The following SEL1L3 variants were observed in gnomAD, a reference collection of about 807,000 sequenced individuals.
SEL1L3 encodes the protein SEL1L family member 3.
SEL1L3 carries 76 observed loss-of-function variants against 142.8 expected under a neutral mutation model. The ratio of observed to expected loss-of-function variants is 0.53; its 90% CI spans 0.44 to 0.64. The LOEUF is 0.64. Among genes scored for constraint, SEL1L3 ranks in the 30% least tolerant of loss-of-function variants. The probability of loss-of-function intolerance (pLI) is 0.00; values close to 1 mark genes in which losing one functional copy is unlikely to be tolerated. For synonymous variants in SEL1L3, 504 were observed against 519.6 expected (o/e 0.97, Z 0.41); for missense variants, 1,262 against 1,381.7 (o/e 0.91, Z 1.37).
the SEL1L3 span, chr4:25,718,179 A>G: frequency 6.6e-6 from 1 of 152,212 alleles, no homozygotes; most frequent in Non-Finnish European, 1.5e-5. Context: ...GGAAGGTTTA[A>G]TACTGTTAAT....
chr4:25,763,270 T>A (rs1718504430), intron 20 of SEL1L3, among the ~76,000 whole-genome samples: 1 of 151,932 alleles, frequency 6.6e-6, no homozygotes, highest in African/African-American at 2.4e-5. Context: ...CCTTTAGCAG[T>A]AACTCCTTCT....
intron 9 of SEL1L3, among the ~76,000 whole-genome samples, chr4:25,810,906 C>G (rs2109239294): frequency 6.6e-6 from 1 of 152,366 alleles, no homozygotes. Flanking sequence ...CAAAGGCGTG[C>G]CCGCTCTGGG....
the SEL1L3 span, among the ~76,000 whole-genome samples, chr4:25,722,288 A>C: frequency 6.6e-6 from 1 of 152,168 alleles, no homozygotes; most frequent in African/African-American, 2.4e-5. Flanking sequence ...CTTGGTACGA[A>C]AGAGGACGTT....
the SEL1L3 span, among the ~76,000 whole-genome samples, chr4:25,739,103 G>A: frequency 0.13 from 19,919 of 152,184 alleles, 1,781 homozygotes; most frequent in African/African-American, 0.25. Context: ...CATCTACTAA[G>A]GAGGCTGAGG....
intron 23 of SEL1L3, 145 bp from the exon 24 acceptor site, chr4:25,748,709 C>T (rs527375576): frequency 9.7e-6 from 7 of 721,236 alleles, no homozygotes; most frequent in Non-Finnish European, 1.5e-5. Context: ...ACTCTGGACC[C>T]GTTATCTAAG....
At chr4:25,860,416 G>A (rs1016529018) in intron 1 of SEL1L3, among the ~76,000 whole-genome samples, 4 of 152,104 alleles carry the variant, frequency 2.6e-5, no homozygotes, top group Admixed American at 6.5e-5. Context: ...ATACATTTGC[G>A]TTTTCTCTCT....
chr4:25,797,126 G>A (rs1290171627), intron 11 of SEL1L3, among the ~76,000 whole-genome samples: 1 of 150,696 alleles, frequency 6.6e-6, no homozygotes, highest in Middle Eastern at 3.2e-3. Flanking sequence ...AGAGAAGGAG[G>A]GAGAGAGGAA....
chr4:25,838,396 C>T (rs1199230076), intron 2 of SEL1L3, among the ~76,000 whole-genome samples: 1 of 152,142 alleles, frequency 6.6e-6, no homozygotes, highest in African/African-American at 2.4e-5. Context: ...TTATATGGTG[C>T]AAACCCCTCC....
intron 1 of SEL1L3, chr4:25,862,035 G>A (rs1169660430): frequency 6.6e-6 from 1 of 152,230 alleles, no homozygotes; most frequent in East Asian, 1.9e-4. Flanking sequence ...CAATGTTCAA[G>A]ACGCAGCTAA....
chr4:25,757,721 C>A lies in SEL1L3; in HGVS notation c.3153G>T (p.Arg1051=). 1 of 1,598,182 alleles carries A rather than the reference C, an allele frequency of 6.3e-7. No individual in the cohort carries two copies. Among genetic ancestry groups the A allele is most frequent in the Non-Finnish European group, 8.5e-7 (1 of 1,172,616 alleles). The change falls in exon 22 of 24, where the codon CGG becomes CGT. Residue 1051 remains arginine, a synonymous_variant. Coordinates refer to ENST00000399878, the MANE Select transcript of SEL1L3 (RefSeq NM_015187.5). The stretch of plus-strand genomic sequence containing the variant: ...AGTGCAGGATAGCACCCCAGAGAAG[C>A]CGCAAGTGCAGGTAAAGCCAGGCCA... ...CSLAWLYLHL[R]LLWGAILHSA...
chr4:25,826,516 C>G (rs1337583209), intron 6 of SEL1L3, among the ~76,000 whole-genome samples: 4 of 152,118 alleles, frequency 2.6e-5, no homozygotes, highest in African/African-American at 9.7e-5. Flanking sequence ...TACCTGACTA[C>G]AGGAACCCCC....
intron 20 of SEL1L3, among the ~76,000 whole-genome samples, chr4:25,763,323 G>A (rs1718507675): frequency 6.6e-6 from 1 of 152,140 alleles, no homozygotes; most frequent in Non-Finnish European, 1.5e-5. Flanking sequence ...TCCACTGAGT[G>A]TACTTGGCAC....
intron 20 of SEL1L3, among the ~76,000 whole-genome samples, chr4:25,763,185 G>GA (rs34349674): frequency 0.38 from 55,827 of 145,018 alleles, 10,691 homozygotes; most frequent in African/African-American, 0.48. Context: ...AATAAAAATT[G>GA]AAAAAAAAAA....
intron 23 of SEL1L3, among the ~76,000 whole-genome samples, chr4:25,751,686 G>C (rs1717600856): frequency 6.7e-6 from 1 of 148,922 alleles, no homozygotes; most frequent in South Asian, 2.1e-4. Context: ...TTATATATAA[G>C]TATATATTCT....
At chr4:25,716,134 T>TA in the SEL1L3 span, among the ~76,000 whole-genome samples, 4 of 151,738 alleles carry the variant, frequency 2.6e-5, no homozygotes, top group African/African-American at 4.8e-5. Flanking sequence ...TCAATACACG[T>TA]AACTGAGAAA....
At chr4:25,839,021 G>C (rs933401159) in intron 2 of SEL1L3, among the ~76,000 whole-genome samples, 2 of 152,204 alleles carry the variant, frequency 1.3e-5, no homozygotes, top group African/African-American at 4.8e-5. Context: ...TGGTCTCAAT[G>C]CAAGGAATCA....
At chr4:25,773,403 A>T (rs1456513140) in intron 17 of SEL1L3, 4 of 152,016 alleles carry the variant, frequency 2.6e-5, no homozygotes, top group Non-Finnish European at 5.9e-5. Flanking sequence ...ATGGCTGTTC[A>T]TTTTATTGTC....
At chr4:25,837,081 T>A (rs1180843963) in intron 2 of SEL1L3, among the ~76,000 whole-genome samples, 1 of 151,942 alleles carries the variant, frequency 6.6e-6, no homozygotes, top group Non-Finnish European at 1.5e-5. Flanking sequence ...AAACCCTTTG[T>A]TTTTTCAATT....
the SEL1L3 span, among the ~76,000 whole-genome samples, chr4:25,717,294 GT>G: frequency 1.8e-4 from 28 of 152,284 alleles, no homozygotes; most frequent in East Asian, 1.5e-3. Context: ...CAAGAACTAG[GT>G]TTTTTTCTAC....
Sources: gnomAD v4.1 joint callset for allele counts (sites outside exome capture counted in the v4.1 genomes callset) on GRCh38, gnomAD v4.1.1 for gene constraint, MANE v1.5 for transcripts, NCBI Gene and HGNC (gene_info 2026-07-23, HGNC 2026-07-21) for gene names.